Variants in RMST observed in about 807,000 individuals in gnomAD.
RMST encodes the protein rhabdomyosarcoma 2 associated transcript, also known as long intergenic non-protein coding RNA 54.
intron 5 of RMST, among the ~76,000 whole-genome samples, chr12:97,483,134 C>T (rs1419808753): frequency 6.6e-6 from 1 of 151,948 alleles, no homozygotes; most frequent in African/African-American, 2.4e-5. Context: ...GTTTCTTGGC[C>T]CTTTGTGCTC....
chr12:97,540,512 A>G (rs1882417262), intron 11 of RMST, among the ~76,000 whole-genome samples: 1 of 151,796 alleles, frequency 6.6e-6, no homozygotes, highest in African/African-American at 2.4e-5. Context: ...CACTTGGATT[A>G]ATGCAAATTT....
chr12:97,472,299 G>A (rs906000103), intron 5 of RMST, among the ~76,000 whole-genome samples: 3 of 152,086 alleles, frequency 2.0e-5, no homozygotes, highest in Non-Finnish European at 2.9e-5. Context: ...TAATGGAAAC[G>A]GGAGACATAC....
intron 5 of RMST, among the ~76,000 whole-genome samples, chr12:97,485,017 G>C (rs1019859917): frequency 3.3e-5 from 5 of 152,298 alleles, no homozygotes; most frequent in African/African-American, 1.2e-4. Flanking sequence ...AACATGCTTG[G>C]TGATATGTTA....
At chr12:97,493,859 T>G (rs1701527606) in intron 7 of RMST, 1 of 152,238 alleles carries the variant, frequency 6.6e-6, no homozygotes, top group Non-Finnish European at 1.5e-5. Context: ...ACTGATTGTT[T>G]GACTGCATTA....
At chr12:97,504,198 G>A (rs1471526841) in intron 10 of RMST, among the ~76,000 whole-genome samples, 3 of 152,148 alleles carry the variant, frequency 2.0e-5, no homozygotes, top group Non-Finnish European at 4.4e-5. Context: ...GAGGTCAGGA[G>A]TTGGAGACCA....
At chr12:97,503,676 A>G (rs1878342603) in intron 10 of RMST, among the ~76,000 whole-genome samples, 2 of 152,214 alleles carry the variant, frequency 1.3e-5, no homozygotes, top group Non-Finnish European at 2.9e-5. Flanking sequence ...ACTTGGAGTC[A>G]TTAATAAATG....
chr12:97,545,709 T>C (rs1373195420), intron 11 of RMST, among the ~76,000 whole-genome samples: 2 of 152,034 alleles, frequency 1.3e-5, no homozygotes, highest in East Asian at 1.9e-4. Context: ...ATTAGGACTA[T>C]AAAATTTCAA....
At chr12:97,479,475 A>G (rs1015155792) in intron 5 of RMST, among the ~76,000 whole-genome samples, 1 of 152,014 alleles carries the variant, frequency 6.6e-6, no homozygotes, top group Non-Finnish European at 1.5e-5. Flanking sequence ...TACAATTCCC[A>G]GCATCTGGCT....
chr12:97,515,581 T>C (rs920427273), intron 10 of RMST, among the ~76,000 whole-genome samples: 14 of 152,016 alleles, frequency 9.2e-5, no homozygotes, highest in African/African-American at 3.4e-4. Flanking sequence ...AAACACACAG[T>C]AGGAGCTCAA....
At chr12:97,510,689 T>A (rs1020224707) in intron 10 of RMST, among the ~76,000 whole-genome samples, 3 of 152,248 alleles carry the variant, frequency 2.0e-5, no homozygotes, top group Non-Finnish European at 4.4e-5. Flanking sequence ...GAGTTACTTC[T>A]TGGTTACTTC....
intron 10 of RMST, among the ~76,000 whole-genome samples, chr12:97,524,624 C>T (rs918935594): frequency 1.3e-5 from 2 of 152,184 alleles, no homozygotes; most frequent in Non-Finnish European, 2.9e-5. Flanking sequence ...GTTTTATGCT[C>T]TTTTACAGAC....
chr12:97,561,131 T>G (rs1326245657), intron 13 of RMST: 3 of 152,252 alleles, frequency 2.0e-5, no homozygotes, highest in African/African-American at 7.2e-5. Context: ...ATACATGTAT[T>G]TCCTAACTAA....
chr12:97,530,414 T>G (rs1209240664), intron 10 of RMST: 1 of 151,998 alleles, frequency 6.6e-6, no homozygotes, highest in Non-Finnish European at 1.5e-5. Flanking sequence ...ATAAGTAGTA[T>G]TCACCTGATT....
At chr12:97,518,021 A>T (rs1880117303) in intron 10 of RMST, among the ~76,000 whole-genome samples, 1 of 152,078 alleles carries the variant, frequency 6.6e-6, no homozygotes, top group Non-Finnish European at 1.5e-5. Context: ...TTTATGGATG[A>T]TTTATTAATT....
chr12:97,553,931 G>A (rs1308168927), intron 11 of RMST, among the ~76,000 whole-genome samples: 1 of 148,390 alleles, frequency 6.7e-6, no homozygotes, highest in African/African-American at 2.5e-5. Context: ...AACTAATGGT[G>A]ATTTTTCTTT....
intron 11 of RMST, among the ~76,000 whole-genome samples, chr12:97,550,144 C>A (rs1417151556): frequency 6.6e-6 from 1 of 152,122 alleles, no homozygotes; most frequent in Non-Finnish European, 1.5e-5. Flanking sequence ...AAATATATAG[C>A]ACTTTGGGAG....
At chr12:97,518,702 C>A (rs540954698) in intron 10 of RMST, among the ~76,000 whole-genome samples, 1 of 152,142 alleles carries the variant, frequency 6.6e-6, no homozygotes, top group Non-Finnish European at 1.5e-5. Flanking sequence ...CTGTTCTTTC[C>A]TCCTGGAAAA....
chr12:97,504,086 G>A (rs2136487504), intron 10 of RMST, among the ~76,000 whole-genome samples: 1 of 152,162 alleles, frequency 6.6e-6, no homozygotes, highest in South Asian at 2.1e-4. Context: ...GTAGAGATGT[G>A]TTTTCACTAT....
intron 10 of RMST, among the ~76,000 whole-genome samples, chr12:97,512,838 C>T (rs1285504321): frequency 1.3e-5 from 2 of 152,184 alleles, no homozygotes; most frequent in Non-Finnish European, 2.9e-5. Context: ...GAGCAGGGGG[C>T]GGCGTGTCGG....
Sources: gnomAD v4.1 joint callset for allele counts (sites outside exome capture counted in the v4.1 genomes callset) on GRCh38, gnomAD v4.1.1 for gene constraint, MANE v1.5 for transcripts, NCBI Gene and HGNC (gene_info 2026-07-23, HGNC 2026-07-21) for gene names.